Variants in TAL1 observed in about 807,000 individuals in gnomAD.
The protein encoded by TAL1 is T-cell acute lymphocytic leukemia protein 1.
Under a neutral mutation model 17.9 loss-of-function variants are expected in TAL1, and 8 were observed. That is an observed-to-expected ratio of 0.45 (90% CI 0.26 to 0.81). The LOEUF is 0.81. Among genes scored for constraint, TAL1 ranks in the 30% least tolerant of loss-of-function variants. TAL1 has a pLI of 0.17. For synonymous variants in TAL1, 223 were observed against 218.6 expected (o/e 1.02, Z -0.18); for missense variants, 466 against 486.9 (o/e 0.96, Z 0.40).
chr1:47,226,982 A>G (rs1209743618), intron 1 of TAL1, among the ~76,000 whole-genome samples: 1 of 152,238 alleles, frequency 6.6e-6, no homozygotes, highest in African/African-American at 2.4e-5. Context: ...AACAAGGAGA[A>G]TGGGCCAGTG....
chr1:47,218,325 A>T (rs1645540786), exon 4 of TAL1: 1 of 232,932 alleles, frequency 4.3e-6, no homozygotes, highest in Non-Finnish European at 8.5e-6. Flanking sequence ...ATCTGGATTG[A>T]CACAGGAAAT....
exon 4 of TAL1, chr1:47,218,826 C>T (rs1645551028): frequency 4.2e-6 from 1 of 237,296 alleles, no homozygotes; most frequent in Non-Finnish European, 8.3e-6. Flanking sequence ...TGCGCATCTA[C>T]TCAGCACCAG....
intron 1 of TAL1, 33 bp from the exon 3 acceptor site, chr1:47,225,922 G>T (rs766360063): frequency 1.3e-6 from 2 of 1,562,248 alleles, no homozygotes; most frequent in South Asian, 1.1e-5. Context: ...GCGGATGCCC[G>T]CTCTGACGAC....
Position 47,225,709 on chromosome 1 carries a change from C to CG in TAL1, c.179dup (p.Gly63ArgfsTer113). On this transcript the variant is annotated frameshift_variant, in exon 2 of 4. Coordinates refer to ENST00000294339, the Ensembl canonical transcript of TAL1. LOFTEE classifies it high-confidence loss of function. Reference sequence around the variant, plus strand: ...CGCCCCCACCGGCAGGGCCGCCCCCCGGGCCTCCGCGCGCGCCCAGTTCGA... The same window carrying CG: ...CGCCCCCACCGGCAGGGCCGCCCCCCGGGGCCTCCGCGCGCGCCCAGTTCGA... 6.9e-7 allele frequency: 1 copy of CG among 1,459,618 alleles called. No individual in the cohort carries two copies. The highest frequency in any genetic ancestry group is 9.0e-7 in the Non-Finnish European group (1 of 1,114,648). The allele number at this position is 1,459,618 out of a possible 1,614,324, so 90.4% of individuals were successfully genotyped here.
intron 1 of TAL1, 196 bp from the exon 3 acceptor site, chr1:47,226,085 T>TC: frequency 2.0e-6 from 1 of 505,330 alleles, no homozygotes; most frequent in Non-Finnish European, 3.4e-6. Context: ...GGAAAGAGGG[T>TC]CTCTGGATTG....
At chr1:47,229,102 G>A (rs1334050635) in intron 1 of TAL1, 94 bp downstream of exon 2, 2 of 132,368 alleles carry the variant, frequency 1.5e-5, no homozygotes, top group Non-Finnish European at 3.0e-5. Context: ...CTGAGAATGG[G>A]CTCTCCTCTG....
At chr1:47,218,703 A>C (rs1334564693) in exon 4 of TAL1, 2 of 232,898 alleles carry the variant, frequency 8.6e-6, no homozygotes. Flanking sequence ...AATGCAAAGC[A>C]TTCATAGGAC....
exon 4 of TAL1, chr1:47,219,598 AG>A (rs1390062028): frequency 6.8e-7 from 1 of 1,461,048 alleles, no homozygotes; most frequent in Non-Finnish European, 9.3e-7. Context: ...TCAGACATCC[AG>A]GAAAGTTCAA....
intron 2 of TAL1, among the ~76,000 whole-genome samples, chr1:47,224,877 G>C (rs1026002242): frequency 1.3e-5 from 2 of 152,208 alleles, no homozygotes; most frequent in African/African-American, 4.8e-5. Context: ...CAGAGACCAC[G>C]GCTAGGAGCA....
Position 47,229,367 on chromosome 1 carries a change from C to A in TAL1, c.-173G>T, listed in dbSNP as rs778835981. 2.7e-5 allele frequency: 5 copies of A among 188,492 alleles called. No homozygotes were observed. Among genetic ancestry groups the A allele is most frequent in the Non-Finnish European group, 5.6e-5 (5 of 89,468 alleles). 11.7% of individuals were successfully genotyped at this position (188,492 alleles called of 1,614,324 possible). ...CCTGGGCGATCTGCCGCGCCCAAAG[C>A]GAGTTTCCAGGAAAGATAGGGGTGG... On this transcript the variant is annotated 5_prime_UTR_variant, in exon 1 of 4. Transcript: ENST00000294339.
intron 3 of TAL1, among the ~76,000 whole-genome samples, chr1:47,222,899 G>C (rs1643851153): frequency 6.6e-6 from 1 of 152,092 alleles, no homozygotes; most frequent in African/African-American, 2.4e-5. Flanking sequence ...CTTCAGGGCT[G>C]GTCCTGTCTT....
At chr1:47,224,718 T>G (rs942496602) in intron 2 of TAL1, among the ~76,000 whole-genome samples, 1 of 152,146 alleles carries the variant, frequency 6.6e-6, no homozygotes, top group African/African-American at 2.4e-5. Context: ...CTGTCTCGGG[T>G]GCCCGCCAGG....
chr1:47,220,089 C>G, exon 4 of TAL1: 1 of 1,613,324 alleles, frequency 6.2e-7, no homozygotes, highest in Non-Finnish European at 8.5e-7. Context: ...GCTTGCGGAG[C>G]TCGGCAAAGG....
chr1:47,224,648 C>T (rs1375388681), intron 2 of TAL1, among the ~76,000 whole-genome samples: 1 of 152,154 alleles, frequency 6.6e-6, no homozygotes, highest in Non-Finnish European at 1.5e-5. Context: ...CCCTGACTCC[C>T]CTCAGCTGAA....
At position 47,229,115 on chromosome 1, in the gene TAL1, C is replaced by T. The variant is rs1569931258; in HGVS notation, c.-2+81G>A. 6 of 139,068 alleles carry T rather than the reference C, an allele frequency of 4.3e-5. No individual in the cohort carries two copies. In the East Asian group the frequency reaches 1.5e-3, roughly 34 times the overall value. The allele number at this position is 139,068 out of a possible 1,614,324, so 8.6% of individuals were successfully genotyped here. On this transcript the variant is annotated intron_variant, in intron 1 of 3. Transcript: ENST00000294339. ...ATCTGAGAATGGGCTCTCCTCTGTC[C>T]TGAGCCTTCCTCACCCCAGGCCGGA...
intron 1 of TAL1, among the ~76,000 whole-genome samples, chr1:47,226,621 C>A (rs1179607895): frequency 2.0e-5 from 3 of 152,208 alleles, no homozygotes; most frequent in Admixed American, 2.0e-4. Flanking sequence ...GCCCGCCCAG[C>A]GGATCTTTAC....
chr1:47,222,439 A>G (rs1050905818), intron 3 of TAL1, among the ~76,000 whole-genome samples: 9 of 152,156 alleles, frequency 5.9e-5, no homozygotes, highest in African/African-American at 2.2e-4. Context: ...TAAGGAATAA[A>G]CAGAAATCAA....
exon 4 of TAL1, chr1:47,219,894 G>GGCCCCCCCCCCCCCCCCCCCCCCCCCC: frequency 6.4e-7 from 1 of 1,556,026 alleles, no homozygotes; most frequent in Non-Finnish European, 8.7e-7. Flanking sequence ...CTGGGGGCGC[G>GGCCCCCCCCCCCCCCCCCCCCCCCCCC]CCGCCCCCTC....
At chr1:47,220,160 C>G (rs1645591406) in exon 4 of TAL1, 6 of 1,568,548 alleles carry the variant, frequency 3.8e-6, no homozygotes, top group Non-Finnish European at 5.2e-6. Context: ...CGCCGCACAA[C>G]TTTGGTGTGG....
Sources: gnomAD v4.1 joint callset for allele counts (sites outside exome capture counted in the v4.1 genomes callset) on GRCh38, gnomAD v4.1.1 for gene constraint, MANE v1.5 for transcripts, NCBI Gene and HGNC (gene_info 2026-07-23, HGNC 2026-07-21) for gene names.